TRABD2A: variants seen among roughly 807,000 people sequenced by gnomAD.
TRABD2A encodes the protein metalloprotease TIKI1.
TRABD2A carries 43 observed loss-of-function variants against 45.6 expected under a neutral mutation model. The observed-to-expected ratio is 0.94, with a 90% confidence interval of 0.74 to 1.22. TRABD2A has a LOEUF of 1.22. Ranked by LOEUF, TRABD2A falls within the 50% of genes most tolerant of loss-of-function variation. The probability of loss-of-function intolerance (pLI) is 0.00; values close to 1 mark genes in which losing one functional copy is unlikely to be tolerated. For synonymous variants in TRABD2A, 269 were observed against 265.0 expected, an observed-to-expected ratio of 1.02 and a Z score of -0.15; for missense variants, 642 against 652.4, an observed-to-expected ratio of 0.98 and a Z score of 0.17.
At chr2:84,856,005 C>T (rs2105395096) in intron 2 of TRABD2A, among the ~76,000 whole-genome samples, 1 of 152,326 alleles carries the variant, frequency 6.6e-6, no homozygotes, top group Admixed American at 6.5e-5. Context: ...CGCACCACCC[C>T]ACTAGCCTCC....
At position 84,847,144 on chromosome 2, in the gene TRABD2A, C is replaced by T. The variant is rs557481994; in HGVS notation, c.670-5137G>A. 6.6e-5 allele frequency among the ~76,000 whole-genome samples: 10 copies of T among 152,328 alleles called. No individual in the cohort carries two copies. In the South Asian group the frequency reaches 8.3e-4, roughly 13 times the overall value. ...GTGAGGAGCCAAGTCCAGGGCAGGG[C>T]GGTGCTCCAAGGGAAATCTCCATGG... On this transcript the variant is annotated intron_variant, in intron 2 of 6. Coordinates refer to ENST00000409520, the MANE Select transcript of TRABD2A (RefSeq NM_001277053.2).
At chr2:84,864,035 GC>G (rs1233601508) in intron 2 of TRABD2A, among the ~76,000 whole-genome samples, 1 of 151,306 alleles carries the variant, frequency 6.6e-6, no homozygotes, top group Non-Finnish European at 1.5e-5. Context: ...GAGATCTCCT[GC>G]TTTTTTTGGA....
chr2:84,855,980 C>T (rs182879953), intron 2 of TRABD2A, among the ~76,000 whole-genome samples: 3 of 152,282 alleles, frequency 2.0e-5, no homozygotes, highest in South Asian at 2.1e-4. Context: ...GCCCATTACG[C>T]GGCTCACAGT....
intron 4 of TRABD2A, chr2:84,834,863 T>G (rs1681448705): frequency 6.6e-6 from 1 of 152,196 alleles, no homozygotes; most frequent in African/African-American, 2.4e-5. Flanking sequence ...GTGTACAAAT[T>G]TTCGTGTGGA....
At chr2:84,864,694 T>C (rs1249159828) in intron 2 of TRABD2A, among the ~76,000 whole-genome samples, 1 of 152,158 alleles carries the variant, frequency 6.6e-6, no homozygotes, top group Non-Finnish European at 1.5e-5. Context: ...CCTTGGCCTC[T>C]AGGAACAGAG....
At chr2:84,848,333 G>GATAC (rs879305835) in intron 2 of TRABD2A, among the ~76,000 whole-genome samples, 10,854 of 49,296 alleles carry the variant, frequency 0.22, 568 homozygotes, top group Non-Finnish European at 0.28. Flanking sequence ...AAAAATGATA[G>GATAC]ATAGATAGAT....
chr2:84,879,734 C>T (rs1683140786), intron 1 of TRABD2A: 1 of 368,758 alleles, frequency 2.7e-6, no homozygotes, highest in Non-Finnish European at 3.8e-6. Context: ...CTGGTGCAGA[C>T]TCCCCTCTCC....
intron 5 of TRABD2A, among the ~76,000 whole-genome samples, chr2:84,824,968 ACTT>A (rs1681109546): frequency 6.6e-6 from 1 of 152,168 alleles, no homozygotes; most frequent in South Asian, 2.1e-4. Flanking sequence ...GTCACCAAAT[ACTT>A]CTTTGAGTGA....
intron 1 of TRABD2A, chr2:84,879,761 G>A: frequency 1.2e-5 from 3 of 240,080 alleles, no homozygotes; most frequent in Non-Finnish European, 2.0e-5. Context: ...CGCGCCTCCT[G>A]CCTTGGTAGA....
In TRABD2A at chr2:84,870,592, C is replaced by T. The variant is rs1216955994; in HGVS notation, c.302G>A (p.Ser101Asn). The T allele has an allele frequency of 3.1e-6, 5 of 1,613,452 alleles. No individual in the cohort carries two copies. Among genetic ancestry groups the T allele is most frequent in the Non-Finnish European group, 4.2e-6 (5 of 1,179,730 alleles). ...TDPYTISALT[S>N]CQMLPQGENL... ...CTCGCCCTGTGGCAGCATCTGACAG[C>T]TGGTGAGAGCTGAGATGGTATAGGG... The change falls in exon 2 of 7, where the codon AGC becomes AAC. Residue 101 changes from serine to asparagine, a missense_variant. By Grantham distance (46) the Ser-to-Asn change is conservative. Transcript: ENST00000409520.
At chr2:84,877,295 CAAA>C (rs879477863) in intron 1 of TRABD2A, among the ~76,000 whole-genome samples, 5 of 133,932 alleles carry the variant, frequency 3.7e-5, no homozygotes, top group Non-Finnish European at 8.1e-5. Context: ...TTTATCTCTA[CAAA>C]AAAAAAAAAT....
chr2:84,828,453 C>T (rs1681212109), intron 5 of TRABD2A, among the ~76,000 whole-genome samples: 1 of 152,182 alleles, frequency 6.6e-6, no homozygotes, highest in Non-Finnish European at 1.5e-5. Context: ...AACAGGTATC[C>T]CTCCACTGCC....
At chr2:84,833,949 T>A (rs1264582791) in intron 4 of TRABD2A, 1 of 152,348 alleles carries the variant, frequency 6.6e-6, no homozygotes, top group Non-Finnish European at 1.5e-5. Flanking sequence ...TGCCCCAGCC[T>A]CCCACCAGCC....
intron 4 of TRABD2A, chr2:84,834,665 T>C (rs1245300078): frequency 2.0e-5 from 3 of 152,250 alleles, no homozygotes; most frequent in Non-Finnish European, 4.4e-5. Context: ...GACTGGCTGT[T>C]TTCACTTAGC....
intron 2 of TRABD2A, among the ~76,000 whole-genome samples, chr2:84,856,941 C>T (rs1057038418): frequency 2.0e-5 from 3 of 152,148 alleles, no homozygotes; most frequent in African/African-American, 4.8e-5. Context: ...GTCATAAGGG[C>T]GGGGCCCTGA....
At chr2:84,829,561 A>G (rs376988834) in intron 5 of TRABD2A, among the ~76,000 whole-genome samples, 59 of 147,640 alleles carry the variant, frequency 4.0e-4, no homozygotes, top group African/African-American at 1.4e-3. Flanking sequence ...CACACATACC[A>G]TACACACCAC....
chr2:84,838,325 A>C (rs983082135), intron 4 of TRABD2A: 2 of 710,348 alleles, frequency 2.8e-6, no homozygotes, highest in African/African-American at 3.5e-5. Flanking sequence ...GTTTTCTTAA[A>C]TAAACACTTC....
At chr2:84,877,024 T>A (rs912112724) in intron 1 of TRABD2A, among the ~76,000 whole-genome samples, 2 of 152,214 alleles carry the variant, frequency 1.3e-5, no homozygotes, top group Non-Finnish European at 2.9e-5. Flanking sequence ...AATCTTATCT[T>A]GTACAATTTC....
At chr2:84,848,868 G>T (rs1293118085) in intron 2 of TRABD2A, among the ~76,000 whole-genome samples, 2 of 151,968 alleles carry the variant, frequency 1.3e-5, no homozygotes, top group Non-Finnish European at 2.9e-5. Context: ...GCCACTGCCT[G>T]GTCCTGAAAC....
Sources: gnomAD v4.1 joint callset for allele counts (sites outside exome capture counted in the v4.1 genomes callset) on GRCh38, gnomAD v4.1.1 for gene constraint, MANE v1.5 for transcripts, NCBI Gene and HGNC (gene_info 2026-07-23, HGNC 2026-07-21) for gene names.